GRK1: variants seen among roughly 807,000 people sequenced by gnomAD.
GRK1 encodes G protein-coupled receptor kinase 1, also known as rhodopsin kinase GRK1.
A neutral mutation model predicts 41.7 loss-of-function variants in GRK1; 28 were observed. The ratio of observed to expected loss-of-function variants is 0.67; its 90% CI spans 0.50 to 0.92. The LOEUF is 0.92. Ranked by LOEUF, GRK1 falls within the 40% of genes least tolerant of loss-of-function variation. The pLI, the probability that GRK1 is intolerant of heterozygous loss-of-function variation, is 0.00. For missense variants in GRK1, 703 were observed against 671.2 expected (o/e 1.05, Z -0.52); for synonymous variants, 327 against 286.7 (o/e 1.14, Z -1.42).
chr13:113,723,414 T>A (rs1268188493), intron 4 of GRK1, among the ~76,000 whole-genome samples: 1 of 152,052 alleles, frequency 6.6e-6, no homozygotes, highest in African/African-American at 2.4e-5. Flanking sequence ...CCTCAGGAGG[T>A]CCTGATGACA....
the GRK1 span, among the ~76,000 whole-genome samples, chr13:113,658,993 G>A: frequency 6.6e-6 from 1 of 152,166 alleles, no homozygotes; most frequent in Non-Finnish European, 1.5e-5. Context: ...CCAGGTGGGG[G>A]ATGCTCAGCC....
chr13:113,733,982 GTGTGTGCATACA>G (rs1259991140), intron 6 of GRK1, among the ~76,000 whole-genome samples: 11 of 128,422 alleles, frequency 8.6e-5, no homozygotes, highest in African/African-American at 2.8e-4. Context: ...GTGTGCGCAT[GTGTGTGCATACA>G]TGTGTGTGCG....
At chr13:113,729,240 C>A (rs528741207) in intron 4 of GRK1, among the ~76,000 whole-genome samples, 1 of 152,204 alleles carries the variant, frequency 6.6e-6, no homozygotes, top group East Asian at 1.9e-4. Context: ...TCTGCCTTGA[C>A]GTTAGCAAGA....
chr13:113,666,955 G>A (rs983467622), upstream of GRK1, among the ~76,000 whole-genome samples: 4 of 152,178 alleles, frequency 2.6e-5, no homozygotes, highest in Admixed American at 6.5e-5. Context: ...TGAAGCCAGG[G>A]GCTGGATGGA....
rs1362895352 is a variant in GRK1, at chr13:113,671,475, T to C, written c.828-24T>C. On this transcript the variant is annotated intron_variant, in intron 2 of 6. Coordinates refer to ENST00000335678, the MANE Select transcript of GRK1 (RefSeq NM_002929.3). The surrounding 1 kb of genome is among the most constrained non-coding windows in gnomAD (Gnocchi z 4.1). Reference sequence around the variant, plus strand: ...TACTCCCCATTAAACCCGGGGTGCATGGTTCCCACGTGTCTTCCCCCAGGT... The same window carrying C: ...TACTCCCCATTAAACCCGGGGTGCACGGTTCCCACGTGTCTTCCCCCAGGT... 1.3e-6 allele frequency: 1 copy of C among 777,996 alleles called. No homozygotes were observed. Among genetic ancestry groups the C allele is most frequent in the Non-Finnish European group, 2.4e-6 (1 of 417,876 alleles). 48.2% of individuals were successfully genotyped at this position (777,996 alleles called of 1,614,324 possible).
chr13:113,726,851 G>A (rs1048438578), intron 4 of GRK1, among the ~76,000 whole-genome samples: 2 of 152,222 alleles, frequency 1.3e-5, no homozygotes, highest in African/African-American at 4.8e-5. Flanking sequence ...GGCATATTCA[G>A]GGCCTGTGGT....
intron 6 of GRK1, among the ~76,000 whole-genome samples, chr13:113,733,657 G>GCA (rs1429884444): frequency 2.0e-5 from 2 of 99,686 alleles, no homozygotes; most frequent in East Asian, 3.2e-4. Flanking sequence ...GCATACGTGT[G>GCA]TGTGCGTGTG....
At position 113,668,059 on chromosome 13, in the gene GRK1, C is replaced by A; in HGVS notation, c.673C>A (p.Arg225=). 2 of 1,609,252 alleles carry A rather than the reference C, an allele frequency of 1.2e-6. No homozygotes were observed. The highest frequency in any genetic ancestry group is 1.7e-6 in the Non-Finnish European group (2 of 1,178,058). The part of the protein sequence containing the change: ...LYACKKLNKK[R]LKKRKGYQGA... ...TGCCTGCAAGAAGCTGAACAAGAAG[C>A]GGCTGAAGAAGAGGAAGGGCTACCA... The change falls in exon 1 of 7, where the codon CGG becomes AGG. Residue 225 remains arginine (R), a synonymous_variant. Coordinates refer to ENST00000335678, the MANE Select transcript of GRK1 (RefSeq NM_002929.3).
At chr13:113,728,140 C>T (rs1215900808) in intron 4 of GRK1, among the ~76,000 whole-genome samples, 15 of 103,622 alleles carry the variant, frequency 1.4e-4, no homozygotes, top group South Asian at 1.1e-3. Flanking sequence ...GTACCCATGG[C>T]GATGAGGAGT....
intron 1 of GRK1, among the ~76,000 whole-genome samples, chr13:113,668,783 A>G (rs2140717175): frequency 6.6e-6 from 1 of 152,316 alleles, no homozygotes; most frequent in South Asian, 2.1e-4. Flanking sequence ...CTTTGACTCC[A>G]CGTGGCTCCT....
At chr13:113,730,365 C>T (rs186762118) in intron 4 of GRK1, among the ~76,000 whole-genome samples, 245 of 141,716 alleles carry the variant, frequency 1.7e-3, no homozygotes, top group African/African-American at 6.0e-3. Context: ...CCCTCCATCC[C>T]GAGACAGTCC....
intron 4 of GRK1, among the ~76,000 whole-genome samples, chr13:113,728,048 C>T (rs868474181): frequency 2.6e-4 from 17 of 64,986 alleles, no homozygotes; most frequent in South Asian, 2.1e-3. Flanking sequence ...GTACCCATGG[C>T]GATGAGGAGT....
rs558897205 is a variant in GRK1, at chr13:113,730,490, A to C, written c.1070-729A>C. On this transcript the variant is annotated intron_variant, in intron 4 of 6. Transcript: ENST00000335678. Reference sequence around the variant, plus strand: ...CGGCTGCACCCAGAGCCGTCCCTCCATCCCGAGACAGTCCCCGGGGCTGAG... The same window carrying C: ...CGGCTGCACCCAGAGCCGTCCCTCCCTCCCGAGACAGTCCCCGGGGCTGAG... Among the ~76,000 whole-genome samples, 5 of 150,706 alleles carry C rather than the reference A, an allele frequency of 3.3e-5. No individual in the cohort carries two copies. The South Asian group carries it at 1.0e-3, about 32-fold the overall frequency.
the GRK1 span, among the ~76,000 whole-genome samples, chr13:113,655,601 G>T: frequency 2.0e-5 from 3 of 152,216 alleles, no homozygotes; most frequent in Admixed American, 2.0e-4. Context: ...GGCGGCTCCT[G>T]GACACAGGCG....
In GRK1 at chr13:113,735,306, G is replaced by A. The variant is rs1453544579; in HGVS notation, c.1635G>A (p.Lys545=). ...RSDGQMPDDM[K]GISGGSSSSS... ...ACGGTCAGATGCCGGACGACATGAA[G>A]GGCATCTCCGGGGGCTCCAGCTCCT... Residue 545 remains lysine (K), a synonymous_variant, in exon 7 of 7, where the codon AAG becomes AAA. Transcript: ENST00000335678. The A allele has an allele frequency of 6.5e-7, 1 of 1,532,980 alleles. No homozygotes were observed. Among genetic ancestry groups the A allele is most frequent in the African/African-American group, 1.4e-5 (1 of 72,970 alleles). The allele number at this position is 1,532,980 out of a possible 1,614,324, so 95.0% of individuals were successfully genotyped here. A position where few individuals can be genotyped will look rare whatever the true frequency, so the allele number is the denominator to read the frequency against.
rs1188055192 is a variant in GRK1 at position 113,667,824 on chromosome 13, C to G, written c.438C>G (p.Phe146Leu). ...EGPVEIQDGL[F>L]QPLLQATLAH... ...CTGTGGAGATCCAGGACGGGCTCTTCCAGCCCCTGCTGCAGGCCACCCTGG... is the reference window on the plus strand; with the variant it reads ...CTGTGGAGATCCAGGACGGGCTCTTGCAGCCCCTGCTGCAGGCCACCCTGG... The change falls in exon 1 of 7, where the codon TTC (phenylalanine) becomes TTG (leucine). Residue 146 changes from phenylalanine (F) to leucine (L), a missense_variant. Coordinates refer to ENST00000335678, the MANE Select transcript of GRK1 (RefSeq NM_002929.3). The surrounding 1 kb of genome is among the most constrained non-coding windows in gnomAD (Gnocchi z 7.5). The G allele has an allele frequency of 1.3e-6, 2 of 1,595,898 alleles. No individual in the cohort carries two copies. The highest frequency in any genetic ancestry group is 1.7e-6 in the Non-Finnish European group (2 of 1,169,382).
chr13:113,727,079 G>A (rs927429619), intron 4 of GRK1, among the ~76,000 whole-genome samples: 9 of 152,364 alleles, frequency 5.9e-5, no homozygotes, highest in Admixed American at 2.0e-4. Context: ...GCCACTGTGT[G>A]CCGGGTTGGC....
rs1354240381 is a variant in GRK1 at position 113,733,521 on chromosome 13, A to G, written c.1396+436A>G. Among the ~76,000 whole-genome samples the G allele has an allele frequency of 1.0e-2, 1,444 of 144,484 alleles. 18 individuals carry two copies. The highest frequency in any genetic ancestry group is 0.035 in the African/African-American group (1,345 of 38,804). 94.8% of individuals were successfully genotyped at this position (144,484 alleles called of 152,430 possible). A position where few individuals can be genotyped will look rare whatever the true frequency, so the allele number is the denominator to read the frequency against. ...TGTATGTGTGTGCACGTGTGTGTGC[A>G]TGTGTGCGCGTGTGTGCATGCGTGT... On this transcript the variant is annotated intron_variant, in intron 6 of 6. Coordinates refer to ENST00000335678, the MANE Select transcript of GRK1 (RefSeq NM_002929.3).
intron 6 of GRK1, among the ~76,000 whole-genome samples, chr13:113,733,948 G>T (rs1186466712): frequency 7.0e-6 from 1 of 143,282 alleles, no homozygotes; most frequent in East Asian, 2.1e-4. Context: ...GTGTGTGCGT[G>T]TGTGTGCATA....
Sources: allele counts gnomAD v4.1 joint callset (sites outside exome capture counted in the v4.1 genomes callset), GRCh38; gene constraint gnomAD v4.1.1; non-coding constraint Gnocchi (gnomAD v3.1); transcripts MANE v1.5; gene names NCBI Gene and HGNC (gene_info 2026-07-23, HGNC 2026-07-21).